ADAMTSL2: variants seen among roughly 807,000 people sequenced by gnomAD.
ADAMTSL2 encodes the protein ADAMTS like 2.
In ADAMTSL2, 55 loss-of-function variants were observed where a neutral mutation model predicts 117.0. The observed-to-expected ratio is 0.47, with a 90% CI of 0.38 to 0.59. The LOEUF (loss-of-function observed/expected upper bound fraction) is 0.59. Among genes scored for constraint, ADAMTSL2 ranks in the 20% least tolerant of loss-of-function variants. The pLI, the probability that ADAMTSL2 is intolerant of heterozygous loss-of-function variation, is 0.00. For missense variants in ADAMTSL2, 1,182 were observed against 1,354.5 expected, an observed-to-expected ratio of 0.87 and a Z score of 2.00; for synonymous variants, 572 against 566.4, an observed-to-expected ratio of 1.01 and a Z score of -0.14.
chr9:133,569,596 C>T lies in ADAMTSL2; in HGVS notation c.2415+18C>T, dbSNP rs1215148480. On this transcript the variant is annotated intron_variant, in intron 16 of 18. Transcript: ENST00000651351. ...GGGAGCGGGTGAGTGCCCCAGAGCCCGCGGAAGGGCCTCCTGGTATCTGGA... is the reference window on the plus strand; with the variant it reads ...GGGAGCGGGTGAGTGCCCCAGAGCCTGCGGAAGGGCCTCCTGGTATCTGGA... 5.1e-6 allele frequency: 8 copies of T among 1,555,046 alleles called. No homozygotes were observed. The highest frequency in any genetic ancestry group is 3.9e-5 in the Admixed American group (2 of 51,526).
rs1282812557 is a variant in ADAMTSL2, at chr9:133,569,465, G to A, written c.2302G>A (p.Asp768Asn). 50 of 1,613,516 alleles carry A rather than the reference G, an allele frequency of 3.1e-5. No individual in the cohort carries two copies. The highest frequency in any genetic ancestry group is 2.5e-4 in the East Asian group (11 of 44,884). The change falls in exon 16 of 19, where the codon GAC (aspartate) becomes AAC (asparagine). Residue 768 changes from aspartate to asparagine, a missense_variant. This residue lies in a region of ADAMTSL2 where 465 missense variants were observed against 565.3 expected (regional missense o/e 0.82). Transcript: ENST00000651351. ...CAGGCACGTGTACTGCAAGACCAGCGACGGACGGGTAGTACCTGAGTCCCA... is the reference window on the plus strand; with the variant it reads ...CAGGCACGTGTACTGCAAGACCAGCAACGGACGGGTAGTACCTGAGTCCCA... Reference protein sequence around the residue: ...TIRHVYCKTSDGRVVPESQCQ... With the variant: ...TIRHVYCKTSNGRVVPESQCQ...
intron 12 of ADAMTSL2, 176 bp from the exon 13 acceptor site, chr9:133,566,760 C>G: frequency 1.2e-6 from 1 of 839,906 alleles, no homozygotes; most frequent in East Asian, 2.7e-5. Context: ...AGCTCAGACC[C>G]GCACAGCTCA....
chr9:133,544,163 C>T (rs560391162), intron 7 of ADAMTSL2, among the ~76,000 whole-genome samples: 2 of 152,348 alleles, frequency 1.3e-5, no homozygotes, highest in African/African-American at 4.8e-5. Flanking sequence ...CATGGCAGAG[C>T]CGGACTGAAC....
Position 133,544,465 on chromosome 9 carries a change from T to C in ADAMTSL2, c.683-5T>C. On this transcript the variant is annotated splice_region_variant and splice_polypyrimidine_tract_variant and intron_variant, in intron 7 of 18. Coordinates refer to ENST00000651351, the MANE Select transcript of ADAMTSL2 (RefSeq NM_014694.4). ...AGGGGCTCACTGTCATCCTTTTGCC[T>C]CCAGGTTACTCTCTGGTGACCCACA... is the stretch of plus-strand genomic sequence containing the variant. The C allele has an allele frequency of 6.2e-7, 1 of 1,613,250 alleles. No individual in the cohort carries two copies. The highest frequency in any genetic ancestry group is 8.5e-7 in the Non-Finnish European group (1 of 1,179,202).
At chr9:133,568,974 T>C (rs62574228) in intron 15 of ADAMTSL2, among the ~76,000 whole-genome samples, 4,178 of 152,270 alleles carry the variant, frequency 0.027, 71 homozygotes, top group Middle Eastern at 0.11. Flanking sequence ...TCTCTCTGTA[T>C]CTCTCTCTGC....
chr9:133,548,420 G>GACC (rs1485540162), intron 9 of ADAMTSL2, among the ~76,000 whole-genome samples: 20 of 152,296 alleles, frequency 1.3e-4, no homozygotes, highest in Admixed American at 1.2e-3. Flanking sequence ...GAGGTGGACT[G>GACC]ACCACTTGGC....
At chr9:133,543,084 G>C (rs573893981) in intron 7 of ADAMTSL2, among the ~76,000 whole-genome samples, 1 of 151,834 alleles carries the variant, frequency 6.6e-6, no homozygotes, top group African/African-American at 2.4e-5. Flanking sequence ...AAGTAGCGGG[G>C]ATTACAGGCT....
rs1830099418 is a variant in ADAMTSL2 at position 133,538,234 on chromosome 9, C to T, written c.234-115C>T. 31 of 1,242,740 alleles carry T rather than the reference C, an allele frequency of 2.5e-5. No individual in the cohort carries two copies. The South Asian group carries it at 3.5e-4, about 14-fold the overall frequency. 77.0% of individuals were successfully genotyped at this position (1,242,740 alleles called of 1,614,324 possible). A position where few individuals can be genotyped will look rare whatever the true frequency, so the allele number is the denominator to read the frequency against. ...GGGAGTTGAGTAGGGAGGAAGGAGC[C>T]CTCTGGGTCACGGGTATCGGGAGAT... On this transcript the variant is annotated intron_variant, in intron 3 of 18. Coordinates refer to ENST00000651351, the MANE Select transcript of ADAMTSL2 (RefSeq NM_014694.4).
At position 133,573,912 on chromosome 9, in the gene ADAMTSL2, C is replaced by A. The variant is rs1370663908; in HGVS notation, c.2662C>A (p.Arg888Ser). ...VKCYQGTDIV[R>S]GCDPLVKPVG... is the part of the protein sequence containing the mutation. ...GTGCTACCAGGGGACCGACATCGTC[C>A]GTGGTTGCGATCCGTTGGTGAAGCC... is the stretch of plus-strand genomic sequence containing the variant. The change falls in exon 18 of 19, where the codon CGT (arginine) becomes AGT (serine). Residue 888 changes from arginine to serine, a missense_variant. This residue lies in a region of ADAMTSL2 where 465 missense variants were observed against 565.3 expected (regional missense o/e 0.82). Transcript: ENST00000651351. 4 of 1,613,990 alleles carry A rather than the reference C, an allele frequency of 2.5e-6. No homozygotes were observed. The African/African-American group carries it at 5.3e-5, about 22-fold the overall frequency.
chr9:133,553,903 T>TG (rs1234673427), intron 9 of ADAMTSL2, among the ~76,000 whole-genome samples: 1 of 152,204 alleles, frequency 6.6e-6, no homozygotes, highest in Non-Finnish European at 1.5e-5. Flanking sequence ...CCTGGGTCTT[T>TG]GTACTCCCAC....
chr9:133,561,850 G>T (rs1830736126), intron 12 of ADAMTSL2, among the ~76,000 whole-genome samples: 1 of 152,162 alleles, frequency 6.6e-6, no homozygotes, highest in South Asian at 2.1e-4. Flanking sequence ...TGGTTGCACG[G>T]CCACCATCGC....
intron 9 of ADAMTSL2, among the ~76,000 whole-genome samples, chr9:133,548,318 G>A (rs577321605): frequency 6.6e-6 from 1 of 152,334 alleles, no homozygotes; most frequent in East Asian, 1.9e-4. Context: ...ACTGCTTTTT[G>A]GCTGAAGAGC....
upstream of ADAMTSL2, among the ~76,000 whole-genome samples, chr9:133,533,900 T>C (rs1829989651): frequency 6.6e-6 from 1 of 152,144 alleles, no homozygotes; most frequent in Non-Finnish European, 1.5e-5. Context: ...GTGCAGAGGC[T>C]AGGTGCCCAG....
chr9:133,562,549 C>T (rs1259042033), intron 12 of ADAMTSL2, among the ~76,000 whole-genome samples: 4 of 105,342 alleles, frequency 3.8e-5, no homozygotes, highest in Admixed American at 1.7e-4. Flanking sequence ...CGGCTCGCAC[C>T]GCCGTGGGCG....
rs145422438 is a variant in ADAMTSL2, at chr9:133,551,296, G to GA, written c.940-3061_940-3060insA. 2.6e-3 allele frequency among the ~76,000 whole-genome samples: 388 copies of GA among 146,800 alleles called. 2 individuals are homozygous for GA. Among genetic ancestry groups the GA allele is most frequent in the Middle Eastern group, 3.5e-3 (1 of 284 alleles). The stretch of plus-strand genomic sequence containing the variant: ...TCTCTGCTCTCCCTTCATCATAAGG[G>GA]CCCCCCCACACACAGCCATAGCTGC... On this transcript the variant is annotated intron_variant, in intron 9 of 18. Transcript: ENST00000651351.
upstream of ADAMTSL2, chr9:133,534,624 G>A (rs1830004141): frequency 7.8e-7 from 1 of 1,281,410 alleles, no homozygotes; most frequent in Non-Finnish European, 9.9e-7. Context: ...CGCGGGCGGG[G>A]GAGCGGCCTG....
intron 12 of ADAMTSL2, 82 bp downstream of exon 12, chr9:133,561,377 A>C: frequency 1.5e-6 from 2 of 1,312,222 alleles, no homozygotes; most frequent in Non-Finnish European, 2.1e-6. Context: ...GGGCCCACCC[A>C]CTAGCTTGCA....
At chr9:133,563,843 G>A (rs62574222) in intron 12 of ADAMTSL2, among the ~76,000 whole-genome samples, 1 of 36,858 alleles carries the variant, frequency 2.7e-5, no homozygotes, top group African/African-American at 1.2e-4. Flanking sequence ...GAGAGAGAGA[G>A]GGAGAGAGAG....
rs1830589957 is a variant in ADAMTSL2, at chr9:133,555,691, G to A, written c.1410G>A (p.Lys470=). ...TGCTGGGCGCAGGCTCTGACTTGAA[G>A]GACTTCACCCTCAATGAGACTGTGA... ...DQLLGAGSDL[K]DFTLNETVNS... The change falls in exon 11 of 19, where the codon AAG becomes AAA. Residue 470 remains lysine (K), a synonymous_variant. Transcript: ENST00000651351. 1 of 1,613,932 alleles carries A rather than the reference G, an allele frequency of 6.2e-7. No homozygotes were observed. Among genetic ancestry groups the A allele is most frequent in the Middle Eastern group, 1.6e-4 (1 of 6,062 alleles).
Sources: allele counts gnomAD v4.1 joint callset (sites outside exome capture counted in the v4.1 genomes callset), GRCh38; gene constraint gnomAD v4.1.1; regional missense constraint gnomAD v4.1.1; transcripts MANE v1.5; gene names NCBI Gene and HGNC (gene_info 2026-07-23, HGNC 2026-07-21).